SBF2: variants seen among roughly 807,000 people sequenced by gnomAD.
SBF2 encodes SET binding factor 2, also known as myotubularin-related protein 13.
SBF2 carries 112 observed loss-of-function variants against 225.2 expected under a neutral mutation model. The ratio of observed to expected loss-of-function variants is 0.50; its 90% CI spans 0.43 to 0.58. The LOEUF (loss-of-function observed/expected upper bound fraction) is 0.58, where lower values mean the gene tolerates loss of function less well. Among genes scored for constraint, SBF2 ranks in the 20% least tolerant of loss-of-function variants. The pLI is 0.00. For missense variants in SBF2, 1,996 were observed against 2,206.2 expected (o/e 0.90, Z 1.91); for synonymous variants, 763 against 773.3 (o/e 0.99, Z 0.22).
chr11:10,223,399 T>TTATATATATATATATATA (rs3074175), intron 1 of SBF2, among the ~76,000 whole-genome samples: 2 of 59,272 alleles, frequency 3.4e-5, no homozygotes, highest in Non-Finnish European at 6.8e-5. Context: ...ATTTTGCACA[T>TTATATATATATATATATA]TATATATATA....
chr11:10,261,034 C>T (rs1245970670), intron 1 of SBF2, among the ~76,000 whole-genome samples: 2 of 152,070 alleles, frequency 1.3e-5, no homozygotes, highest in Non-Finnish European at 2.9e-5. Flanking sequence ...AGACCCTTCA[C>T]CAAAGAGCAG....
intron 1 of SBF2, among the ~76,000 whole-genome samples, chr11:10,217,042 A>G (rs1388822474): frequency 5.9e-5 from 9 of 152,220 alleles, no homozygotes; most frequent in Non-Finnish European, 1.3e-4. Flanking sequence ...CTTGCCTTTC[A>G]TAGTAGGTAA....
intron 27 of SBF2, 91 bp from the exon 28 acceptor site, chr11:9,829,587 T>C (rs574279602): frequency 4.3e-6 from 5 of 1,168,656 alleles, no homozygotes; most frequent in South Asian, 2.5e-5. Context: ...TATCTATCTA[T>C]GCTTATTTTT....
At chr11:9,794,871 AG>A (rs1230222366) in intron 33 of SBF2, among the ~76,000 whole-genome samples, 1 of 152,014 alleles carries the variant, frequency 6.6e-6, no homozygotes, top group African/African-American at 2.4e-5. Flanking sequence ...TGGTCTCACC[AG>A]TGCTCTTTCC....
At chr11:9,959,289 C>A (rs1293814514) in intron 16 of SBF2, 12 of 775,106 alleles carry the variant, frequency 1.5e-5, no homozygotes, top group Non-Finnish European at 2.9e-5. Context: ...CCACAATGTC[C>A]CTGCCATAGG....
chr11:10,126,284 T>G (rs1000915982), intron 2 of SBF2, among the ~76,000 whole-genome samples: 1 of 152,184 alleles, frequency 6.6e-6, no homozygotes, highest in Non-Finnish European at 1.5e-5. Flanking sequence ...CTTTCTCTTT[T>G]TTCTTAGGCT....
upstream of SBF2, among the ~76,000 whole-genome samples, chr11:10,296,524 C>T (rs542261604): frequency 8.5e-5 from 13 of 152,228 alleles, no homozygotes; most frequent in South Asian, 2.3e-3. Context: ...CCACCGGATC[C>T]CTCCCATGAC....
intron 17 of SBF2, among the ~76,000 whole-genome samples, chr11:9,882,135 A>T (rs1859820006): frequency 6.6e-6 from 1 of 152,236 alleles, no homozygotes; most frequent in Non-Finnish European, 1.5e-5. Context: ...ATTCCAGACC[A>T]ATACAAATGT....
chr11:10,098,707 A>G (rs959646801), intron 2 of SBF2, among the ~76,000 whole-genome samples: 1 of 151,548 alleles, frequency 6.6e-6, no homozygotes, highest in Admixed American at 6.6e-5. Flanking sequence ...ACACACACAC[A>G]CACACACACA....
At chr11:9,918,101 A>G (rs1304411074) in intron 16 of SBF2, among the ~76,000 whole-genome samples, 4 of 152,010 alleles carry the variant, frequency 2.6e-5, no homozygotes, top group Non-Finnish European at 5.9e-5. Context: ...CCACGAATTA[A>G]GCAGTTATAT....
chr11:9,886,348 AT>A (rs1169991744), intron 17 of SBF2, among the ~76,000 whole-genome samples: 4 of 151,608 alleles, frequency 2.6e-5, no homozygotes, highest in East Asian at 1.9e-4. Flanking sequence ...TATTCCATAG[AT>A]TTTTTTTCCA....
chr11:10,176,703 CTT>C (rs1417776541), intron 2 of SBF2, among the ~76,000 whole-genome samples: 1 of 152,178 alleles, frequency 6.6e-6, no homozygotes, highest in Non-Finnish European at 1.5e-5. Context: ...TAATCAATAG[CTT>C]ACCAACCAAA....
chr11:10,293,142 T>A (rs532567154), intron 1 of SBF2, among the ~76,000 whole-genome samples: 1 of 152,332 alleles, frequency 6.6e-6, no homozygotes, highest in South Asian at 2.1e-4. Context: ...GTTTCCCAGC[T>A]CAATTTGTTA....
At chr11:9,862,718 T>C (rs1312387272) in intron 17 of SBF2, among the ~76,000 whole-genome samples, 1 of 152,206 alleles carries the variant, frequency 6.6e-6, no homozygotes, top group Non-Finnish European at 1.5e-5. Context: ...ATCTTCTGAT[T>C]GTGATAATTT....
At chr11:9,993,466 C>T (rs1405893058) in intron 10 of SBF2, among the ~76,000 whole-genome samples, 1 of 152,198 alleles carries the variant, frequency 6.6e-6, no homozygotes, top group Non-Finnish European at 1.5e-5. Flanking sequence ...AAAAAGGGGC[C>T]TCTGTTATAT....
At chr11:10,128,629 A>T (rs1294772955) in intron 2 of SBF2, among the ~76,000 whole-genome samples, 2 of 152,350 alleles carry the variant, frequency 1.3e-5, no homozygotes, top group East Asian at 3.9e-4. Flanking sequence ...AAAAACTCTG[A>T]TGACTCTGGC....
intron 22 of SBF2, among the ~76,000 whole-genome samples, chr11:9,848,618 C>T (rs1028533946): frequency 2.6e-5 from 4 of 152,230 alleles, no homozygotes; most frequent in Non-Finnish European, 5.9e-5. Flanking sequence ...ATCACGTTTA[C>T]GTGTCCAAAA....
chr11:10,168,783 G>A (rs1054691376), intron 2 of SBF2, among the ~76,000 whole-genome samples: 5 of 152,082 alleles, frequency 3.3e-5, no homozygotes, highest in African/African-American at 1.2e-4. Flanking sequence ...TTAAAACAAC[G>A]CAGGGTTCCA....
At chr11:10,029,123 A>G (rs1949158062) in intron 5 of SBF2, among the ~76,000 whole-genome samples, 1 of 152,210 alleles carries the variant, frequency 6.6e-6, no homozygotes, top group South Asian at 2.1e-4. Context: ...CTTTCCCAAT[A>G]TTATATAAGA....
Sources: allele counts gnomAD v4.1 joint callset (sites outside exome capture counted in the v4.1 genomes callset), GRCh38; gene constraint gnomAD v4.1.1; transcripts MANE v1.5; gene names NCBI Gene and HGNC (gene_info 2026-07-23, HGNC 2026-07-21).